Variants in REXO5 observed in about 807,000 individuals in gnomAD.
The protein encoded by REXO5 is RNA exonuclease 5.
In REXO5, 48 loss-of-function variants were observed where a neutral mutation model predicts 88.5. The ratio of observed to expected loss-of-function variants is 0.54; its 90% CI spans 0.43 to 0.69. The LOEUF is 0.69. REXO5 is among the 30% of genes least tolerant of loss of function. REXO5 has a pLI of 0.00. For missense variants in REXO5, 749 were observed against 912.2 expected, an observed-to-expected ratio of 0.82 and a Z score of 2.30; for synonymous variants, 311 against 336.5, an observed-to-expected ratio of 0.92 and a Z score of 0.83.
chr16:20,818,728 C>G (rs545178502), intron 5 of REXO5, among the ~76,000 whole-genome samples: 16 of 152,342 alleles, frequency 1.1e-4, no homozygotes, highest in African/African-American at 3.8e-4. Context: ...GCCTCAGCCT[C>G]TTAAAATGCT....
chr16:20,812,043 G>C (rs373318443), intron 2 of REXO5, among the ~76,000 whole-genome samples: 1 of 152,184 alleles, frequency 6.6e-6, no homozygotes, highest in African/African-American at 2.4e-5. Flanking sequence ...GCTTCTAACC[G>C]CTATGCTCTG....
In REXO5 at chr16:20,832,205, C is replaced by T. The variant is rs372692290; in HGVS notation, c.1208C>T (p.Ala403Val). ...EALANHQEIQ[A>V]AGQEPKNTAE... is the part of the protein sequence containing the mutation. ...CTAGCTAATCACCAAGAAATACAAG[C>T]AGCAGGCCAAGAGCCTAAAAACACA... The change falls in exon 12 of 20, where the codon GCA becomes GTA. Residue 403 changes from alanine (A) to valine (V), a missense_variant. Ala to Val is a moderately conservative substitution (Grantham distance 64, BLOSUM62 0). Transcript: ENST00000261377. The T allele has an allele frequency of 6.2e-7, 1 of 1,612,130 alleles. No homozygotes were observed. The highest frequency in any genetic ancestry group is 8.5e-7 in the Non-Finnish European group (1 of 1,179,128).
chr16:20,827,159 T>C lies in REXO5; in HGVS notation c.923T>C (p.Val308Ala). 1 of 1,614,140 alleles carries C rather than the reference T, an allele frequency of 6.2e-7. No individual in the cohort carries two copies. ...CTGCTTCCTCCTGATGCTGTGTTAG[T>C]GGGCCACTCCTTAGATTTGGATCTC... ...KALLPPDAVLVGHSLDLDLRA... is the reference protein window; with the variant it reads ...KALLPPDAVLAGHSLDLDLRA... The change falls in exon 9 of 20, where the codon GTG (valine) becomes GCG (alanine). Residue 308 changes from valine (V) to alanine (A), a missense_variant. Physicochemically the swap from Val to Ala is moderately conservative, Grantham distance 64 (BLOSUM62 0). Transcript: ENST00000261377.
intron 13 of REXO5, among the ~76,000 whole-genome samples, chr16:20,838,888 G>A (rs2081481068): frequency 6.6e-6 from 1 of 152,190 alleles, no homozygotes; most frequent in South Asian, 2.1e-4. Context: ...GATAGGGAGA[G>A]GTGTAGATGG....
chr16:20,827,900 T>C (rs1050221299), intron 10 of REXO5, among the ~76,000 whole-genome samples: 2 of 152,176 alleles, frequency 1.3e-5, no homozygotes, highest in East Asian at 1.9e-4. Flanking sequence ...ATAAATCTGT[T>C]TGTGATATGA....
intron 13 of REXO5, among the ~76,000 whole-genome samples, chr16:20,837,456 T>C (rs2081449949): frequency 1.3e-5 from 2 of 152,216 alleles, no homozygotes; most frequent in South Asian, 4.1e-4. Context: ...ACTTCACTTA[T>C]GCATATATGT....
chr16:20,836,053 A>G (rs2081424265), intron 13 of REXO5, among the ~76,000 whole-genome samples: 1 of 152,152 alleles, frequency 6.6e-6, no homozygotes, highest in Admixed American at 6.5e-5. Flanking sequence ...AAAAGAAAGT[A>G]CAGAGAGTTC....
intron 4 of REXO5, 79 bp from the exon 5 acceptor site, chr16:20,816,037 T>C (rs1024550227): frequency 2.0e-5 from 22 of 1,088,218 alleles, no homozygotes; most frequent in Non-Finnish European, 2.8e-5. Flanking sequence ...AGCACTGAGG[T>C]GACAATAAAA....
In REXO5 at chr16:20,821,827, G is replaced by A. The variant is rs1401739252; in HGVS notation, c.541G>A (p.Gly181Ser). Residue 181 changes from glycine to serine, a missense_variant, in exon 6 of 20, where the codon GGC becomes AGC. Transcript: ENST00000261377. ...LQDDPIIQKY[G>S]SKKVGLTRCL... Reference sequence around the variant, plus strand: ...GGATGATCCCATCATTCAAAAGTATGGCTCTAAGAAAGTGGGCTTGACCAG... The same window carrying A: ...GGATGATCCCATCATTCAAAAGTATAGCTCTAAGAAAGTGGGCTTGACCAG... The A allele has an allele frequency of 6.2e-7, 1 of 1,608,842 alleles. No individual in the cohort carries two copies. The highest frequency in any genetic ancestry group is 1.1e-5 in the South Asian group (1 of 89,962).
rs1419918461 is a variant in REXO5 at position 20,827,184 on chromosome 16, C to T, written c.948C>T (p.Leu316=). 6.2e-7 allele frequency: 1 copy of T among 1,614,102 alleles called. No individual in the cohort carries two copies. Among genetic ancestry groups the T allele is most frequent in the Non-Finnish European group, 8.5e-7 (1 of 1,180,014 alleles). The change falls in exon 9 of 20, where the codon CTC becomes CTT. Residue 316 remains leucine, a synonymous_variant. Coordinates refer to ENST00000261377, the MANE Select transcript of REXO5 (RefSeq NM_030941.3). The part of the protein sequence containing the change: ...VLVGHSLDLD[L]RALKMIHPYV... The stretch of plus-strand genomic sequence containing the variant: ...TGGGCCACTCCTTAGATTTGGATCT[C>T]AGAGCACTGAAAGTGAGTATCTGAT...
chr16:20,806,891 C>T (rs2080888029), intron 1 of REXO5, 61 bp from the exon 2 acceptor site: 4 of 1,524,548 alleles, frequency 2.6e-6, no homozygotes, highest in Non-Finnish European at 8.8e-7. Context: ...CGCTAGGAGG[C>T]GGCACGCGGG....
chr16:20,811,047 T>G (rs781060118), intron 2 of REXO5, among the ~76,000 whole-genome samples: 3 of 152,108 alleles, frequency 2.0e-5, no homozygotes, highest in Non-Finnish European at 2.9e-5. Flanking sequence ...CTCCCTTCCT[T>G]CCTGTATGGG....
chr16:20,834,377 G>A (rs1310784418), intron 13 of REXO5, among the ~76,000 whole-genome samples: 1 of 152,172 alleles, frequency 6.6e-6, no homozygotes, highest in Non-Finnish European at 1.5e-5. Flanking sequence ...AGTGAACTAT[G>A]ATCGCACCAC....
intron 11 of REXO5, among the ~76,000 whole-genome samples, chr16:20,831,844 CTGTT>C (rs2081349730): frequency 6.7e-6 from 1 of 149,932 alleles, no homozygotes; most frequent in African/African-American, 2.4e-5. Flanking sequence ...AAGTGACTGA[CTGTT>C]GGATGAGTGA....
In REXO5 at chr16:20,807,036, C is replaced by A. The variant is rs756589714; in HGVS notation, c.83C>A (p.Ala28Glu). ...SRQAPNKLVG[A>E]AEAMKAGWDL... The stretch of plus-strand genomic sequence containing the variant: ...CAGGCCCCAAATAAGCTGGTCGGGG[C>A]AGCTGAGGCGATGAAAGCCGGTTGG... The change falls in exon 2 of 20, where the codon GCA (alanine) becomes GAA (glutamate). Residue 28 changes from alanine (A) to glutamate (E), a missense_variant. Physicochemically the swap from Ala to Glu is moderately radical, Grantham distance 107. Transcript: ENST00000261377. The A allele has an allele frequency of 5.2e-5, 84 of 1,603,702 alleles. No homozygotes were observed. The highest frequency in any genetic ancestry group is 1.6e-4 in the Middle Eastern group (1 of 6,062).
intron 18 of REXO5, among the ~76,000 whole-genome samples, chr16:20,845,476 G>A (rs796383093): frequency 8.5e-5 from 13 of 152,158 alleles, no homozygotes; most frequent in African/African-American, 2.9e-4. Context: ...AAGGACAAAG[G>A]CAGGAAGTCA....
intron 19 of REXO5, among the ~76,000 whole-genome samples, chr16:20,848,859 CAA>C (rs1403953239): frequency 6.6e-6 from 1 of 152,206 alleles, no homozygotes; most frequent in African/African-American, 2.4e-5. Flanking sequence ...ATGGAATGAA[CAA>C]AGACTAAGAC....
chr16:20,823,310 C>T (rs773386744), intron 6 of REXO5: 2 of 152,022 alleles, frequency 1.3e-5, no homozygotes, highest in Non-Finnish European at 2.9e-5. Flanking sequence ...TTGATGTAGG[C>T]GTGTTTTATA....
intron 5 of REXO5, chr16:20,821,070 G>A (rs1275941151): frequency 6.6e-6 from 1 of 152,222 alleles, no homozygotes; most frequent in Non-Finnish European, 1.5e-5. Context: ...TGCTTAAATA[G>A]GTGGCTGAGG....
Sources: gnomAD v4.1 joint callset for allele counts (sites outside exome capture counted in the v4.1 genomes callset) on GRCh38, gnomAD v4.1.1 for gene constraint, MANE v1.5 for transcripts, NCBI Gene and HGNC (gene_info 2026-07-23, HGNC 2026-07-21) for gene names.